Variants in CSNK2A2IP observed in about 807,000 individuals in gnomAD.
The protein encoded by CSNK2A2IP is casein kinase II subunit alpha'-interacting protein.
chr3:88,372,071 C>A, the CSNK2A2IP span, among the ~76,000 whole-genome samples: 1 of 151,410 alleles, frequency 6.6e-6, no homozygotes. Context: ...AAGGAAAGAA[C>A]AAAAAGGGCC....
At chr3:88,417,993 AT>A in the CSNK2A2IP span, among the ~76,000 whole-genome samples, 1 of 152,216 alleles carries the variant, frequency 6.6e-6, no homozygotes, top group African/African-American at 2.4e-5. Flanking sequence ...TAAAATGTAT[AT>A]TAATCACAGC....
At chr3:88,387,627 A>C in the CSNK2A2IP span, among the ~76,000 whole-genome samples, 1 of 152,108 alleles carries the variant, frequency 6.6e-6, no homozygotes, top group Non-Finnish European at 1.5e-5. Context: ...TGTGAATTTT[A>C]TTTCTTTTCC....
chr3:88,447,948 C>T, the CSNK2A2IP span, among the ~76,000 whole-genome samples: 1 of 152,218 alleles, frequency 6.6e-6, no homozygotes, highest in East Asian at 1.9e-4. Flanking sequence ...TAAAATAGTG[C>T]ATAACTAATT....
the CSNK2A2IP span, among the ~76,000 whole-genome samples, chr3:88,366,921 G>A: frequency 6.6e-6 from 1 of 152,092 alleles, no homozygotes; most frequent in African/African-American, 2.4e-5. Flanking sequence ...AAGACAGAAT[G>A]AGAGCCAAGT....
At chr3:88,378,347 T>C in the CSNK2A2IP span, among the ~76,000 whole-genome samples, 6 of 151,896 alleles carry the variant, frequency 4.0e-5, no homozygotes, top group South Asian at 2.1e-4. Flanking sequence ...TCTGAATACA[T>C]CAAAATTCTG....
At chr3:88,430,667 A>G in the CSNK2A2IP span, among the ~76,000 whole-genome samples, 130 of 152,286 alleles carry the variant, frequency 8.5e-4, 1 homozygote, top group African/African-American at 3.0e-3. Flanking sequence ...AAATAAAGCT[A>G]GAAGAGGAAA....
At chr3:88,466,379 A>T in the CSNK2A2IP span, 1 of 1,231,828 alleles carries the variant, frequency 8.1e-7, no homozygotes, top group East Asian at 3.2e-5. Context: ...CCTGTCTGTC[A>T]CTCCAAGTTT....
the CSNK2A2IP span, among the ~76,000 whole-genome samples, chr3:88,390,431 C>A: frequency 6.6e-6 from 1 of 152,076 alleles, no homozygotes; most frequent in East Asian, 1.9e-4. Flanking sequence ...AAAATGATGG[C>A]ATGTATAGGA....
At chr3:88,383,036 A>G in the CSNK2A2IP span, among the ~76,000 whole-genome samples, 1 of 152,002 alleles carries the variant, frequency 6.6e-6, no homozygotes, top group Non-Finnish European at 1.5e-5. Context: ...AGGCCAACAA[A>G]CTAATCTCAG....
At chr3:88,372,656 A>C in the CSNK2A2IP span, among the ~76,000 whole-genome samples, 2 of 151,518 alleles carry the variant, frequency 1.3e-5, no homozygotes, top group Non-Finnish European at 3.0e-5. Flanking sequence ...AATGTAAACA[A>C]ACTTCAATCA....
chr3:88,406,052 T>TA, the CSNK2A2IP span, among the ~76,000 whole-genome samples: 1 of 152,226 alleles, frequency 6.6e-6, no homozygotes, highest in Admixed American at 6.5e-5. Flanking sequence ...TTTCATAAAA[T>TA]AAAAAATATA....
chr3:88,441,799 A>T, the CSNK2A2IP span, among the ~76,000 whole-genome samples: 1 of 152,128 alleles, frequency 6.6e-6, no homozygotes, highest in African/African-American at 2.4e-5. Context: ...TTTTTATCCA[A>T]ATGCATTCTT....
At chr3:88,364,571 G>A in the CSNK2A2IP span, among the ~76,000 whole-genome samples, 1 of 151,980 alleles carries the variant, frequency 6.6e-6, no homozygotes, top group Non-Finnish European at 1.5e-5. Flanking sequence ...TAGGATGTTG[G>A]AAGAGTGGGT....
the CSNK2A2IP span, among the ~76,000 whole-genome samples, chr3:88,425,871 G>C: frequency 6.6e-6 from 1 of 152,042 alleles, no homozygotes; most frequent in Non-Finnish European, 1.5e-5. Context: ...GCTAGATGTT[G>C]CTGGCGGTAG....
chr3:88,457,694 TC>T, the CSNK2A2IP span, among the ~76,000 whole-genome samples: 1 of 45,840 alleles, frequency 2.2e-5, no homozygotes, highest in Admixed American at 2.3e-4. Context: ...AGACTCAGTC[TC>T]AAAATAAAAT....
At chr3:88,457,271 T>C in the CSNK2A2IP span, among the ~76,000 whole-genome samples, 1 of 152,220 alleles carries the variant, frequency 6.6e-6, no homozygotes, top group African/African-American at 2.4e-5. Context: ...TGTTTTCCTA[T>C]GAAAAGACTG....
At chr3:88,373,019 C>G in the CSNK2A2IP span, among the ~76,000 whole-genome samples, 2 of 151,334 alleles carry the variant, frequency 1.3e-5, no homozygotes, top group Non-Finnish European at 3.0e-5. Flanking sequence ...AAATAATAGA[C>G]AAATTAACAA....
chr3:88,465,414 A>G, the CSNK2A2IP span: 1 of 1,231,666 alleles, frequency 8.1e-7, no homozygotes, highest in Non-Finnish European at 1.0e-6. Context: ...ACTTCTACCA[A>G]CTGTCCTCAG....
chr3:88,420,594 G>A, the CSNK2A2IP span, among the ~76,000 whole-genome samples: 1 of 152,116 alleles, frequency 6.6e-6, no homozygotes, highest in Non-Finnish European at 1.5e-5. Flanking sequence ...ACATAAAAAT[G>A]TTTAATCGGC....
Sources: gnomAD v4.1 joint callset for allele counts (sites outside exome capture counted in the v4.1 genomes callset) on GRCh38, gnomAD v4.1.1 for gene constraint, MANE v1.5 for transcripts, NCBI Gene and HGNC (gene_info 2026-07-23, HGNC 2026-07-21) for gene names.